The following C11orf16 variants were observed in gnomAD, a reference collection of about 807,000 sequenced individuals.
The protein encoded by C11orf16 is uncharacterized protein C11orf16.
In C11orf16, 38 loss-of-function variants were observed where a neutral mutation model predicts 45.1. The ratio of observed to expected loss-of-function variants is 0.84; its 90% CI spans 0.65 to 1.10. The LOEUF is 1.10. C11orf16 is among the 50% of genes least tolerant of loss of function. The pLI, the probability that C11orf16 is intolerant of heterozygous loss-of-function variation, is 0.00. For synonymous variants in C11orf16, 221 were observed against 222.0 expected, an observed-to-expected ratio of 1.00 and a Z score of 0.04; for missense variants, 583 against 569.5, an observed-to-expected ratio of 1.02 and a Z score of -0.24.
intron 5 of C11orf16, among the ~76,000 whole-genome samples, chr11:8,924,955 G>A (rs1377104932): frequency 6.6e-6 from 1 of 152,210 alleles, no homozygotes; most frequent in Non-Finnish European, 1.5e-5. Context: ...TGTTGGCCAT[G>A]AGGGATAAGA....
Position 8,927,185 on chromosome 11 carries a change from G to A in C11orf16, c.325-11C>T, listed in dbSNP as rs2064620638. The stretch of plus-strand genomic sequence containing the variant: ...CCCCTGTCTCTCCAGCTGTGGGAAA[G>A]AAAACACTCAGAATAAGACCTGGCA... On this transcript the variant is annotated splice_polypyrimidine_tract_variant and intron_variant, in intron 3 of 6. Coordinates refer to ENST00000326053, the MANE Select transcript of C11orf16 (RefSeq NM_020643.3). The A allele has an allele frequency of 6.2e-7, 1 of 1,603,768 alleles. No individual in the cohort carries two copies. Among genetic ancestry groups the A allele is most frequent in the South Asian group, 1.1e-5 (1 of 90,588 alleles).
At chr11:8,920,529 T>G in intron 6 of C11orf16, 79 bp from the exon 7 acceptor site, 1 of 612,368 alleles carries the variant, frequency 1.6e-6, no homozygotes, top group South Asian at 2.0e-5. Context: ...TTTTAAAAAG[T>G]CATTGATTGT....
At chr11:8,928,368 C>T (rs987837482) in intron 3 of C11orf16, among the ~76,000 whole-genome samples, 1 of 152,120 alleles carries the variant, frequency 6.6e-6, no homozygotes, top group Non-Finnish European at 1.5e-5. Flanking sequence ...GCCTGGCCCC[C>T]AGCATGGCGA....
At chr11:8,924,174 A>G (rs898529490) in intron 5 of C11orf16, among the ~76,000 whole-genome samples, 1 of 152,024 alleles carries the variant, frequency 6.6e-6, no homozygotes, top group Non-Finnish European at 1.5e-5. Flanking sequence ...ATTACAAACA[A>G]TTTCTCAACT....
intron 5 of C11orf16, among the ~76,000 whole-genome samples, chr11:8,921,952 G>A (rs2064578079): frequency 6.6e-6 from 1 of 152,134 alleles, no homozygotes; most frequent in African/African-American, 2.4e-5. Flanking sequence ...GTTTTCTTTT[G>A]CCATCATGCA....
At position 8,921,287 on chromosome 11, in the gene C11orf16, G is replaced by C. The variant is rs1392065515; in HGVS notation, c.*22+7C>G. On this transcript the variant is annotated splice_region_variant and intron_variant, in intron 6 of 6. Transcript: ENST00000326053. Reference sequence around the variant, plus strand: ...TAGGAAGCCCCTTTCCAGCCATTCTGCTTTACCTAGATCCTCAGGGCTCTT... The same window carrying C: ...TAGGAAGCCCCTTTCCAGCCATTCTCCTTTACCTAGATCCTCAGGGCTCTT... The C allele has an allele frequency of 6.2e-7, 1 of 1,611,846 alleles. No homozygotes were observed.
chr11:8,920,488 G>A, intron 6 of C11orf16, 38 bp from the exon 7 acceptor site: 1 of 645,516 alleles, frequency 1.5e-6, no homozygotes, highest in Non-Finnish European at 2.8e-6. Context: ...TTGTTATGCT[G>A]ACTGCAATTT....
chr11:8,929,494 T>C lies in C11orf16; in HGVS notation c.207A>G (p.Pro69=). 6.2e-7 allele frequency: 1 copy of C among 1,614,094 alleles called. No homozygotes were observed. The highest frequency in any genetic ancestry group is 1.7e-5 in the Admixed American group (1 of 59,996). The part of the protein sequence containing the change: ...SSCPCLHVAD[P]AWQGPGWLGR... ...CCAGCCAGCCAGGCCCCTGCCATGC[T>C]GGGTCGGCAACGTGGAGACATGGGC... The change falls in exon 3 of 7, where the codon CCA becomes CCG. Residue 69 remains proline (P), a synonymous_variant. Transcript: ENST00000326053.
At chr11:8,930,211 G>A (rs1028526604) in intron 2 of C11orf16, among the ~76,000 whole-genome samples, 11 of 151,900 alleles carry the variant, frequency 7.2e-5, no homozygotes, top group African/African-American at 1.5e-4. Flanking sequence ...GGCGGATCAC[G>A]AGGTCAAGAG....
At chr11:8,929,684 G>A (rs1027437682) in intron 2 of C11orf16, 151 bp from the exon 3 acceptor site, 12 of 763,468 alleles carry the variant, frequency 1.6e-5, no homozygotes, top group Non-Finnish European at 1.8e-5. Context: ...TATGACTTCC[G>A]GAAGGATAAG....
chr11:8,922,931 C>G (rs1305923509), intron 5 of C11orf16, among the ~76,000 whole-genome samples: 1 of 152,136 alleles, frequency 6.6e-6, no homozygotes, highest in African/African-American at 2.4e-5. Context: ...CACCCCCTCT[C>G]GGGCATGCTC....
chr11:8,924,079 A>G (rs570322392), intron 5 of C11orf16, among the ~76,000 whole-genome samples: 1 of 152,110 alleles, frequency 6.6e-6, no homozygotes, highest in East Asian at 1.9e-4. Flanking sequence ...AAAAATCCTC[A>G]TATAAAATCC....
Position 8,921,361 on chromosome 11 carries a change from C to A in C11orf16, c.1359G>T (p.Arg453=). The change falls in exon 6 of 7, where the codon CGG becomes CGT. Residue 453 remains arginine, a synonymous_variant. Transcript: ENST00000326053. ...TPPGEAEHRK[R]SQSLAICQWN... ...ACTGACATATTGCAAGGCTCTGACT[C>A]CGCTTTCTGTGTTCAGCTTCCCCTG... The A allele has an allele frequency of 6.2e-7, 1 of 1,614,212 alleles. No individual in the cohort carries two copies. The highest frequency in any genetic ancestry group is 8.5e-7 in the Non-Finnish European group (1 of 1,180,046).
intron 4 of C11orf16, 127 bp from the exon 5 acceptor site, chr11:8,926,234 A>G: frequency 1.1e-6 from 1 of 896,122 alleles, no homozygotes. Context: ...GCTGGAGTGC[A>G]GTGGCACAGT....
At chr11:8,926,330 G>A (rs935590165) in intron 4 of C11orf16, among the ~76,000 whole-genome samples, 2 of 151,560 alleles carry the variant, frequency 1.3e-5, no homozygotes, top group Non-Finnish European at 2.9e-5. Flanking sequence ...CTAATCATGG[G>A]ATAAAGCCTC....
intron 2 of C11orf16, among the ~76,000 whole-genome samples, chr11:8,931,011 C>T (rs983151808): frequency 6.6e-6 from 1 of 152,162 alleles, no homozygotes. Context: ...AGCAGGAATG[C>T]GAGTCCCTGG....
Position 8,925,455 on chromosome 11 carries a change from T to A in C11orf16, c.1204+8A>T. Reference sequence around the variant, plus strand: ...GCCTTAGAAAGCAAGCCCACTCCCCTGGTATACCTGGCTTCCCAAGGCATG... The same window carrying A: ...GCCTTAGAAAGCAAGCCCACTCCCCAGGTATACCTGGCTTCCCAAGGCATG... On this transcript the variant is annotated splice_region_variant and intron_variant, in intron 5 of 6. Transcript: ENST00000326053. 1 of 1,607,938 alleles carries A rather than the reference T, an allele frequency of 6.2e-7. No homozygotes were observed. The highest frequency in any genetic ancestry group is 8.5e-7 in the Non-Finnish European group (1 of 1,176,138).
In C11orf16 at chr11:8,921,370, G is replaced by T; in HGVS notation, c.1350C>A (p.His450Gln). Residue 450 changes from histidine (H) to glutamine (Q), a missense_variant, in exon 6 of 7, where the codon CAC (histidine) becomes CAA (glutamine). Coordinates refer to ENST00000326053, the MANE Select transcript of C11orf16 (RefSeq NM_020643.3). ...PPRTPPGEAE[H>Q]RKRSQSLAIC... ...TTGCAAGGCTCTGACTCCGCTTTCT[G>T]TGTTCAGCTTCCCCTGGCGGGGTCC... 6.2e-7 allele frequency: 1 copy of T among 1,614,224 alleles called. No individual in the cohort carries two copies. Among genetic ancestry groups the T allele is most frequent in the East Asian group, 2.2e-5 (1 of 44,888 alleles).
chr11:8,920,641 T>A (rs1239833326), intron 6 of C11orf16, among the ~76,000 whole-genome samples, 191 bp from the exon 7 acceptor site: 2 of 152,168 alleles, frequency 1.3e-5, no homozygotes. Context: ...GTCAACACAG[T>A]GAGACCCTAT....
Sources: gnomAD v4.1 joint callset for allele counts (sites outside exome capture counted in the v4.1 genomes callset) on GRCh38, gnomAD v4.1.1 for gene constraint, MANE v1.5 for transcripts, NCBI Gene and HGNC (gene_info 2026-07-23, HGNC 2026-07-21) for gene names.